MCUR1: variants seen among roughly 807,000 people sequenced by gnomAD.
The protein encoded by MCUR1 is MCU regulator 1.
In MCUR1, 37 loss-of-function variants were observed where a neutral mutation model predicts 42.0. The observed-to-expected ratio is 0.88, with a 90% CI of 0.68 to 1.16. The LOEUF is 1.16. Among genes scored for constraint, MCUR1 ranks in the 50% most tolerant of loss-of-function variants. The pLI is 0.00. For missense variants in MCUR1, 469 were observed against 468.4 expected, an observed-to-expected ratio of 1.00 and a Z score of -0.01; for synonymous variants, 229 against 196.2, an observed-to-expected ratio of 1.17 and a Z score of -1.40.
intron 6 of MCUR1, among the ~76,000 whole-genome samples, chr6:13,798,396 G>A (rs1224168318): frequency 4.6e-5 from 7 of 151,978 alleles, no homozygotes; most frequent in East Asian, 1.9e-4. Flanking sequence ...TACCGCGCCC[G>A]GCCAGAAATG....
In MCUR1 at chr6:13,789,251, A is replaced by G. The variant is rs541686037; in HGVS notation, c.*1558T>C. The G allele has an allele frequency of 8.5e-5, 13 of 152,430 alleles. 1 individual carries two copies. In the East Asian group the frequency reaches 2.5e-3, roughly 29 times the overall value. 9.4% of individuals were successfully genotyped at this position (152,430 alleles called of 1,614,324 possible). A position where few individuals can be genotyped will look rare whatever the true frequency, so the allele number is the denominator to read the frequency against. ...CCTCATCTCTACTAAAAATACAAAA[A>G]TTAGCTGGGCGTGGTGGTGGGCACC... On this transcript the variant is annotated 3_prime_UTR_variant, in exon 9 of 9. Coordinates refer to ENST00000379170, the MANE Select transcript of MCUR1 (RefSeq NM_001031713.4).
At chr6:13,812,189 T>C (rs937615777) in intron 1 of MCUR1, among the ~76,000 whole-genome samples, 3 of 152,082 alleles carry the variant, frequency 2.0e-5, no homozygotes, top group Non-Finnish European at 4.4e-5. Flanking sequence ...GGCCCAAAGG[T>C]AGCCTTGGAC....
intron 1 of MCUR1, among the ~76,000 whole-genome samples, chr6:13,808,530 G>C (rs1285248431): frequency 6.6e-6 from 1 of 151,994 alleles, no homozygotes; most frequent in African/African-American, 2.4e-5. Context: ...TTCTTTTGTT[G>C]CCTGTGCTTT....
rs750939460 is a variant in MCUR1 at position 13,802,364 on chromosome 6, CA to C, written c.536-19del. ...AGCAAACCCTAAGCAAGCACACAAGCAAAAAAAATCATGCTCAGAGTTACAA... is the reference window on the plus strand; with the variant it reads ...AGCAAACCCTAAGCAAGCACACAAGCAAAAAAATCATGCTCAGAGTTACAA... On this transcript the variant is annotated intron_variant, in intron 2 of 8. Coordinates refer to ENST00000379170, the MANE Select transcript of MCUR1 (RefSeq NM_001031713.4). 2.1e-5 allele frequency: 33 copies of C among 1,584,948 alleles called. No individual in the cohort carries two copies. The highest frequency in any genetic ancestry group is 5.4e-5 in the African/African-American group (4 of 73,700).
chr6:13,792,292 G>C (rs1237590759), intron 7 of MCUR1, among the ~76,000 whole-genome samples: 1 of 152,194 alleles, frequency 6.6e-6, no homozygotes, highest in African/African-American at 2.4e-5. Flanking sequence ...TAATCTATGT[G>C]AAAAAGCATT....
Position 13,806,834 on chromosome 6 carries a change from G to C in MCUR1, c.535+91C>G, listed in dbSNP as rs1760121231. On this transcript the variant is annotated intron_variant, in intron 2 of 8. Coordinates refer to ENST00000379170, the MANE Select transcript of MCUR1 (RefSeq NM_001031713.4). ...ACACAAATAAAAAATAGAAGTCAAA[G>C]AGGAACATGAGAAATTAAATGAAAC... The C allele has an allele frequency of 8.2e-6, 11 of 1,343,764 alleles. No individual in the cohort carries two copies. In the South Asian group the frequency reaches 1.7e-4, roughly 21 times the overall value. The allele number at this position is 1,343,764 out of a possible 1,614,324, so 83.2% of individuals were successfully genotyped here.
rs1226224903 is a variant in MCUR1, at chr6:13,804,150, G to C, written c.536-1804C>G. On this transcript the variant is annotated intron_variant, in intron 2 of 8. Coordinates refer to ENST00000379170, the MANE Select transcript of MCUR1 (RefSeq NM_001031713.4). ...AGCCTGGCCAACATGGTGAAACCCC[G>C]TCTCTAGTAAAAATACAGAAAAATT... 3.1e-5 allele frequency: 8 copies of C among 258,544 alleles called. No homozygotes were observed. In the Admixed American group the frequency reaches 3.5e-4, roughly 11 times the overall value. 16.0% of individuals were successfully genotyped at this position (258,544 alleles called of 1,614,324 possible).
chr6:13,810,194 C>T (rs1162087479), intron 1 of MCUR1, among the ~76,000 whole-genome samples: 1 of 151,344 alleles, frequency 6.6e-6, no homozygotes, highest in Non-Finnish European at 1.5e-5. Flanking sequence ...CACAGCGAGA[C>T]TTCATCTCAA....
chr6:13,802,360 C>G lies in MCUR1; in HGVS notation c.536-14G>C. The G allele has an allele frequency of 6.2e-7, 1 of 1,601,464 alleles. No homozygotes were observed. The highest frequency in any genetic ancestry group is 8.5e-7 in the Non-Finnish European group (1 of 1,171,934). Reference sequence around the variant, plus strand: ...GAGTAGCAAACCCTAAGCAAGCACACAAGCAAAAAAAATCATGCTCAGAGT... The same window carrying G: ...GAGTAGCAAACCCTAAGCAAGCACAGAAGCAAAAAAAATCATGCTCAGAGT... On this transcript the variant is annotated splice_polypyrimidine_tract_variant and intron_variant, in intron 2 of 8. Transcript: ENST00000379170.
chr6:13,789,509 A>G lies in MCUR1; in HGVS notation c.*1300T>C, dbSNP rs1759677979. 6.6e-6 allele frequency: 1 copy of G among 152,222 alleles called. No individual in the cohort carries two copies. Among genetic ancestry groups the G allele is most frequent in the Non-Finnish European group, 1.5e-5 (1 of 68,044 alleles). The allele number at this position is 152,222 out of a possible 1,614,324, so 9.4% of individuals were successfully genotyped here. A position where few individuals can be genotyped will look rare whatever the true frequency, so the allele number is the denominator to read the frequency against. Reference sequence around the variant, plus strand: ...GAGAATGTTTTGAACAACAGAATTAATCCATCTAGATTAGAATGCTGTGTG... The same window carrying G: ...GAGAATGTTTTGAACAACAGAATTAGTCCATCTAGATTAGAATGCTGTGTG... On this transcript the variant is annotated 3_prime_UTR_variant, in exon 9 of 9. Transcript: ENST00000379170.
At chr6:13,810,127 T>C (rs534929863) in intron 1 of MCUR1, among the ~76,000 whole-genome samples, 182 of 151,608 alleles carry the variant, frequency 1.2e-3, no homozygotes, top group Non-Finnish European at 1.9e-3. Flanking sequence ...TGCTTGAACC[T>C]GGGAGGCGGA....
At chr6:13,813,024 C>T (rs1467800183) in intron 1 of MCUR1, among the ~76,000 whole-genome samples, 1 of 152,202 alleles carries the variant, frequency 6.6e-6, no homozygotes, top group African/African-American at 2.4e-5. Flanking sequence ...TATTTTTACT[C>T]TACCTTTTCT....
intron 1 of MCUR1, among the ~76,000 whole-genome samples, chr6:13,811,293 T>C (rs1760226698): frequency 6.6e-6 from 1 of 152,178 alleles, no homozygotes; most frequent in South Asian, 2.1e-4. Context: ...GCTCATTTTT[T>C]ATCTTTAGCA....
chr6:13,809,711 C>T (rs1257520971), intron 1 of MCUR1, among the ~76,000 whole-genome samples: 1 of 148,522 alleles, frequency 6.7e-6, no homozygotes, highest in Non-Finnish European at 1.5e-5. Context: ...CTGGGCAACA[C>T]TGCAAGACCT....
At chr6:13,799,006 T>G in intron 5 of MCUR1, 102 bp from the exon 6 acceptor site, 1 of 682,470 alleles carries the variant, frequency 1.5e-6, no homozygotes, top group Non-Finnish European at 2.6e-6. Context: ...GTCCCTATCC[T>G]AGGCGAGGCA....
At chr6:13,793,842 C>T (rs779213056) in intron 7 of MCUR1, 52 bp downstream of exon 7, 8 of 1,497,106 alleles carry the variant, frequency 5.3e-6, no homozygotes, top group South Asian at 2.3e-5. Flanking sequence ...ATGCATGGAA[C>T]GAAGCAAAGA....
intron 6 of MCUR1, among the ~76,000 whole-genome samples, chr6:13,795,258 C>T (rs1304262760): frequency 1.3e-5 from 2 of 151,978 alleles, no homozygotes; most frequent in African/African-American, 4.8e-5. Flanking sequence ...CAGGAGAGCC[C>T]GATGCATCAG....
At chr6:13,805,603 G>A (rs1760097299) in intron 2 of MCUR1, among the ~76,000 whole-genome samples, 1 of 152,202 alleles carries the variant, frequency 6.6e-6, no homozygotes, top group Admixed American at 6.5e-5. Flanking sequence ...CAGAGCTGCT[G>A]TCTCCCACAA....
intron 6 of MCUR1, among the ~76,000 whole-genome samples, chr6:13,798,191 G>A (rs1447807229): frequency 6.6e-6 from 1 of 151,184 alleles, no homozygotes; most frequent in Non-Finnish European, 1.5e-5. Flanking sequence ...TGCCTCCTGG[G>A]TTCAAGCGAT....
Sources: gnomAD v4.1 joint callset for allele counts (sites outside exome capture counted in the v4.1 genomes callset) on GRCh38, gnomAD v4.1.1 for gene constraint, MANE v1.5 for transcripts, NCBI Gene and HGNC (gene_info 2026-07-23, HGNC 2026-07-21) for gene names.